The following STX8 variants were observed in gnomAD, a reference collection of about 807,000 sequenced individuals.
STX8 encodes the protein syntaxin 8, also known as syntaxin-8.
Under a neutral mutation model 37.5 loss-of-function variants are expected in STX8, and 23 were observed. The ratio of observed to expected loss-of-function variants is 0.61; its 90% confidence interval spans 0.44 to 0.87. The LOEUF is 0.87. Among genes scored for constraint, STX8 ranks in the 40% least tolerant of loss-of-function variants. The pLI is 0.00. For synonymous variants in STX8, 115 were observed against 99.1 expected (o/e 1.16, Z -0.95); for missense variants, 313 against 284.7 (o/e 1.10, Z -0.71).
At chr17:9,257,416 C>T (rs185811426) in intron 7 of STX8, among the ~76,000 whole-genome samples, 1 of 152,220 alleles carries the variant, frequency 6.6e-6, no homozygotes, top group Non-Finnish European at 1.5e-5. Flanking sequence ...ACGCCCCTGC[C>T]ACAAGTTGGG....
rs4063411 is a variant in STX8 at position 9,489,691 on chromosome 17, C to CTTT, written c.541+2135_541+2137dup. ...CAGATTTTCTATAAAGCTTACTTTC[C>CTTT]TTTTTTTTTTTTTTTGAGATGGATT... On this transcript the variant is annotated intron_variant, in intron 6 of 7. Coordinates refer to ENST00000306357, the MANE Select transcript of STX8 (RefSeq NM_004853.3). Among the ~76,000 whole-genome samples the CTTT allele has an allele frequency of 4.8e-4, 61 of 127,392 alleles. 3 individuals are homozygous for CTTT. The highest frequency in any genetic ancestry group is 2.0e-3 in the South Asian group (8 of 4,034). 83.6% of individuals were successfully genotyped at this position (127,392 alleles called of 152,430 possible).
At chr17:9,337,937 G>A (rs1162829547) in intron 7 of STX8, among the ~76,000 whole-genome samples, 7 of 152,048 alleles carry the variant, frequency 4.6e-5, no homozygotes, top group South Asian at 2.1e-4. Flanking sequence ...TGTGGCCAAC[G>A]GGGAAGGAAG....
chr17:9,545,643 C>T (rs1463801093), intron 3 of STX8, among the ~76,000 whole-genome samples: 20 of 152,182 alleles, frequency 1.3e-4, no homozygotes, highest in Admixed American at 7.9e-4. Flanking sequence ...TGCAATGGCG[C>T]GATCTCGGCC....
rs115481388 is a variant in STX8, at chr17:9,354,757, A to C, written c.643+23795T>G. Among the ~76,000 whole-genome samples, 710 of 152,234 alleles carry C rather than the reference A, an allele frequency of 4.7e-3. 1 individual carries two copies. Among genetic ancestry groups the C allele is most frequent in the African/African-American group, 0.016 (681 of 41,534 alleles). On this transcript the variant is annotated intron_variant, in intron 7 of 7. Transcript: ENST00000306357. ...ATCTCATAACCTTCAGCAATCACTC[A>C]GTGTAATTTTTCACGCAGGAAAACA...
chr17:9,349,141 A>AC, intron 7 of STX8, among the ~76,000 whole-genome samples: 1 of 151,320 alleles, frequency 6.6e-6, no homozygotes, highest in Middle Eastern at 3.4e-3. Context: ...ATAGGCGTCC[A>AC]CTTCCATACC....
chr17:9,552,429 T>C (rs1906801604), intron 3 of STX8, among the ~76,000 whole-genome samples: 1 of 152,194 alleles, frequency 6.6e-6, no homozygotes, highest in Non-Finnish European at 1.5e-5. Flanking sequence ...TGTTACCAAG[T>C]ATCAGTGAAA....
chr17:9,276,667 G>A (rs1208608935), intron 7 of STX8, among the ~76,000 whole-genome samples: 8 of 150,034 alleles, frequency 5.3e-5, no homozygotes, highest in Non-Finnish European at 8.9e-5. Context: ...ATGGAGTCTC[G>A]CTCTGTTACC....
chr17:9,391,589 G>A (rs1182020147), intron 6 of STX8, among the ~76,000 whole-genome samples: 7 of 151,246 alleles, frequency 4.6e-5, no homozygotes, highest in African/African-American at 1.5e-4. Context: ...TCTAGTAAAT[G>A]AAGGGTGACC....
At chr17:9,561,434 G>C (rs759640465) in intron 2 of STX8, among the ~76,000 whole-genome samples, 68 of 152,196 alleles carry the variant, frequency 4.5e-4, no homozygotes, top group Non-Finnish European at 7.5e-4. Context: ...CAAGGCAGGA[G>C]GATCTCTTGA....
At chr17:9,314,806 A>G (rs1313330543) in intron 7 of STX8, among the ~76,000 whole-genome samples, 1 of 151,484 alleles carries the variant, frequency 6.6e-6, no homozygotes, top group Non-Finnish European at 1.5e-5. Flanking sequence ...GAGAAGCCTT[A>G]AAAAACTGAG....
chr17:9,353,151 G>A (rs936689563), intron 7 of STX8, among the ~76,000 whole-genome samples: 3 of 152,094 alleles, frequency 2.0e-5, no homozygotes, highest in Non-Finnish European at 4.4e-5. Context: ...CTCACACTTT[G>A]GCTTCCCAAA....
intron 6 of STX8, among the ~76,000 whole-genome samples, chr17:9,379,499 G>A (rs1028364265): frequency 3.9e-5 from 6 of 152,158 alleles, no homozygotes; most frequent in Non-Finnish European, 8.8e-5. Flanking sequence ...TTGCGAGTGG[G>A]GAAGGAAGGT....
At chr17:9,388,490 T>C (rs1317049674) in intron 6 of STX8, among the ~76,000 whole-genome samples, 1 of 151,926 alleles carries the variant, frequency 6.6e-6, no homozygotes, top group Admixed American at 6.6e-5. Context: ...CCCCCATGTG[T>C]TCACTACAAT....
intron 6 of STX8, among the ~76,000 whole-genome samples, chr17:9,448,457 G>A (rs1213560241): frequency 6.6e-6 from 1 of 152,154 alleles, no homozygotes; most frequent in Non-Finnish European, 1.5e-5. Context: ...GTTGTTGCTT[G>A]TTGTGATTCT....
rs1024799102 is a variant in STX8, at chr17:9,556,666, T to C, written c.212+768A>G. Among the ~76,000 whole-genome samples, 9 of 150,576 alleles carry C rather than the reference T, an allele frequency of 6.0e-5. No homozygotes were observed. In the South Asian group the frequency reaches 8.4e-4, roughly 14 times the overall value. ...CATGTTGACCAGGCTGGTCTCGAAC[T>C]CCTGGCCTCAAGTGCTTGGCCTCCC... On this transcript the variant is annotated intron_variant, in intron 3 of 7. Coordinates refer to ENST00000306357, the MANE Select transcript of STX8 (RefSeq NM_004853.3).
chr17:9,370,872 C>T (rs1911381031), intron 7 of STX8, among the ~76,000 whole-genome samples: 1 of 149,014 alleles, frequency 6.7e-6, no homozygotes, highest in Non-Finnish European at 1.5e-5. Context: ...TCTGAAAATA[C>T]ATAGAGGTAC....
Position 9,441,467 on chromosome 17 carries a change from C to CA in STX8, c.541+50361dup, listed in dbSNP as rs1555527762. The stretch of plus-strand genomic sequence containing the variant: ...GTTGCACCACTGCACTCCAACCTGG[C>CA]ACAGAGCGAGACTCCATCTAAAAAA... On this transcript the variant is annotated intron_variant, in intron 6 of 7. Transcript: ENST00000306357. Among the ~76,000 whole-genome samples, 84 of 149,208 alleles carry CA rather than the reference C, an allele frequency of 5.6e-4. 1 individual carries two copies. The highest frequency in any genetic ancestry group is 4.3e-4 in the South Asian group (2 of 4,670).
intron 7 of STX8, among the ~76,000 whole-genome samples, chr17:9,311,263 T>G (rs1256725054): frequency 1.4e-5 from 2 of 147,708 alleles, no homozygotes; most frequent in Non-Finnish European, 1.5e-5. Flanking sequence ...AGAGGAGAAG[T>G]CAGTGGGGTA....
At chr17:9,543,605 G>A (rs779965110) in intron 4 of STX8, among the ~76,000 whole-genome samples, 3 of 152,046 alleles carry the variant, frequency 2.0e-5, no homozygotes, top group Non-Finnish European at 4.4e-5. Flanking sequence ...GCACCCAGGC[G>A]ACAGTACTTT....
Sources: gnomAD v4.1 joint callset for allele counts (sites outside exome capture counted in the v4.1 genomes callset) on GRCh38, gnomAD v4.1.1 for gene constraint, MANE v1.5 for transcripts, NCBI Gene and HGNC (gene_info 2026-07-23, HGNC 2026-07-21) for gene names.